IL1RAPL1: variants seen among roughly 807,000 people sequenced by gnomAD.
The protein encoded by IL1RAPL1 is interleukin 1 receptor accessory protein like 1.
IL1RAPL1 carries 3 observed loss-of-function variants against 48.4 expected under a neutral mutation model. The observed-to-expected ratio is 0.06, with a 90% confidence interval of 0.03 to 0.16. IL1RAPL1 has a LOEUF of 0.16. Ranked by LOEUF, IL1RAPL1 falls within the 10% of genes least tolerant of loss-of-function variation. The pLI is 1.00. For synonymous variants in IL1RAPL1, 185 were observed against 187.7 expected (o/e 0.99, Z 0.12); for missense variants, 349 against 530.6 (o/e 0.66, Z 3.36).
intron 2 of IL1RAPL1, among the ~76,000 whole-genome samples, chrX:29,167,294 G>A (rs1406291495): frequency 1.8e-5 from 2 of 108,659 alleles, no homozygotes; most frequent in African/African-American, 6.7e-5. Context: ...TTCCCATTCC[G>A]CTTCCCCTTC....
At chrX:29,841,792 A>C (rs1213339704) in intron 6 of IL1RAPL1, among the ~76,000 whole-genome samples, 1 of 111,691 alleles carries the variant, frequency 9.0e-6, no homozygotes, top group Non-Finnish European at 1.9e-5. Context: ...AGAATGATGT[A>C]ACAGGGCTTT....
intron 1 of IL1RAPL1, among the ~76,000 whole-genome samples, chrX:28,635,360 A>G (rs183343438): frequency 4.5e-5 from 5 of 111,870 alleles, no homozygotes; most frequent in Non-Finnish European, 9.4e-5. Flanking sequence ...CGATGATTTG[A>G]TCTTTGACTT....
intron 2 of IL1RAPL1, among the ~76,000 whole-genome samples, chrX:29,005,571 T>C (rs1177496843): frequency 2.7e-5 from 3 of 112,106 alleles, no homozygotes; most frequent in African/African-American, 9.7e-5. Context: ...AAGAAAGATG[T>C]TTGAACATTA....
chrX:28,971,273 A>T (rs1222565591), intron 2 of IL1RAPL1, among the ~76,000 whole-genome samples: 1 of 112,145 alleles, frequency 8.9e-6, no homozygotes, highest in African/African-American at 3.2e-5. Context: ...TACCTATAAA[A>T]TTGTCATAAT....
At chrX:29,513,350 CT>C (rs1254734576) in intron 5 of IL1RAPL1, among the ~76,000 whole-genome samples, 1 of 111,437 alleles carries the variant, frequency 9.0e-6, no homozygotes, top group Non-Finnish European at 1.9e-5. Flanking sequence ...ATTCTGAACA[CT>C]TTTATGCCAT....
At chrX:29,119,313 C>T (rs1011499616) in intron 2 of IL1RAPL1, among the ~76,000 whole-genome samples, 1 of 110,841 alleles carries the variant, frequency 9.0e-6, no homozygotes, top group Non-Finnish European at 1.9e-5. Context: ...TACTTATGGA[C>T]CCAAATTCCT....
At chrX:28,931,765 C>T (rs1252937589) in intron 2 of IL1RAPL1, among the ~76,000 whole-genome samples, 1 of 111,237 alleles carries the variant, frequency 9.0e-6, no homozygotes, top group Non-Finnish European at 1.9e-5. Flanking sequence ...AGGCCAGGTG[C>T]GGTGGCTCAC....
intron 3 of IL1RAPL1, among the ~76,000 whole-genome samples, chrX:29,344,857 C>T (rs1933130409): frequency 8.9e-6 from 1 of 111,991 alleles, no homozygotes; most frequent in East Asian, 2.8e-4. Context: ...AGGATGGTCT[C>T]GAACTCCTGA....
chrX:29,227,011 A>AGTCATAGGAG (rs1931096139), intron 2 of IL1RAPL1, among the ~76,000 whole-genome samples: 1 of 109,505 alleles, frequency 9.1e-6, no homozygotes, highest in Non-Finnish European at 1.9e-5. Context: ...TTTTAATGTT[A>AGTCATAGGAG]GTCATAGGAG....
intron 5 of IL1RAPL1, among the ~76,000 whole-genome samples, chrX:29,443,464 T>C (rs1184271509): frequency 9.0e-6 from 1 of 111,233 alleles, no homozygotes; most frequent in African/African-American, 3.3e-5. Context: ...CGCCATAGCC[T>C]AGAAACTTCC....
intron 2 of IL1RAPL1, among the ~76,000 whole-genome samples, chrX:28,915,880 A>G (rs752779741): frequency 6.3e-5 from 7 of 110,626 alleles, no homozygotes; most frequent in Admixed American, 2.9e-4. Context: ...TGTTAACACT[A>G]GCATAGCTTC....
chrX:29,726,778 C>T (rs1006148342), intron 6 of IL1RAPL1, among the ~76,000 whole-genome samples: 7 of 111,519 alleles, frequency 6.3e-5, no homozygotes, highest in Non-Finnish European at 9.4e-5. Flanking sequence ...TTTAGGAGTT[C>T]AAGACCACCT....
intron 8 of IL1RAPL1, among the ~76,000 whole-genome samples, chrX:29,924,085 G>A (rs975495700): frequency 9.0e-6 from 1 of 111,595 alleles, no homozygotes; most frequent in African/African-American, 3.3e-5. Flanking sequence ...CTATAAAATG[G>A]GAATAATAAT....
rs182029070 is a variant in IL1RAPL1 at position 29,773,144 on chromosome X, A to T, written c.778+104640A>T. On this transcript the variant is annotated intron_variant, in intron 6 of 10. Transcript: ENST00000378993. Reference sequence around the variant, plus strand: ...AATATTCCAAGGCTGCATAAAGTGAATGAAGAGTTTCCTACCAAATATTTC... The same window carrying T: ...AATATTCCAAGGCTGCATAAAGTGATTGAAGAGTTTCCTACCAAATATTTC... 5.5e-3 allele frequency among the ~76,000 whole-genome samples: 624 copies of T among 112,672 alleles called. 4 individuals carry two copies. The highest frequency in any genetic ancestry group is 0.019 in the African/African-American group (600 of 31,068).
intron 1 of IL1RAPL1, among the ~76,000 whole-genome samples, chrX:28,626,962 A>C (rs1193748739): frequency 1.8e-5 from 2 of 112,104 alleles, no homozygotes; most frequent in Non-Finnish European, 3.8e-5. Flanking sequence ...ACTTTTGGCT[A>C]TCCCTATTTT....
chrX:28,669,628 T>TTA (rs139322755), intron 1 of IL1RAPL1, among the ~76,000 whole-genome samples: 1,270 of 101,544 alleles, frequency 0.013, 14 homozygotes, highest in African/African-American at 0.04. Context: ...TCAAAAAATA[T>TTA]TATATATATA....
intron 6 of IL1RAPL1, among the ~76,000 whole-genome samples, chrX:29,761,669 T>A (rs1325525822): frequency 9.0e-6 from 1 of 111,357 alleles, no homozygotes; most frequent in African/African-American, 3.3e-5. Context: ...TTGCCTGGCA[T>A]TTCCTCAGTC....
chrX:28,844,768 G>A (rs1321068686), intron 2 of IL1RAPL1, among the ~76,000 whole-genome samples: 1 of 111,071 alleles, frequency 9.0e-6, no homozygotes, highest in East Asian at 2.9e-4. Flanking sequence ...TATTTTTATG[G>A]TTGAAAATGT....
chrX:29,629,351 T>C (rs1237492137), intron 5 of IL1RAPL1, among the ~76,000 whole-genome samples: 1 of 111,421 alleles, frequency 9.0e-6, no homozygotes, highest in Non-Finnish European at 1.9e-5. Context: ...TTTTTATCTT[T>C]GGTAGTTTTT....
Sources: gnomAD v4.1 joint callset for allele counts (sites outside exome capture counted in the v4.1 genomes callset) on GRCh38, gnomAD v4.1.1 for gene constraint, MANE v1.5 for transcripts, NCBI Gene and HGNC (gene_info 2026-07-23, HGNC 2026-07-21) for gene names.